SLC5A11: variants seen among roughly 807,000 people sequenced by gnomAD.
SLC5A11 encodes the protein sodium/myo-inositol cotransporter 2.
SLC5A11 carries 48 observed loss-of-function variants against 69.8 expected under a neutral mutation model. The observed-to-expected ratio is 0.69, with a 90% CI of 0.55 to 0.87. The LOEUF is 0.87. Ranked by LOEUF, SLC5A11 falls within the 40% of genes least tolerant of loss-of-function variation. SLC5A11 has a pLI of 0.00. For missense variants in SLC5A11, 784 were observed against 866.1 expected, an observed-to-expected ratio of 0.91 and a Z score of 1.19; for synonymous variants, 319 against 342.4, an observed-to-expected ratio of 0.93 and a Z score of 0.75.
chr16:24,896,403 G>A (rs2049169495), intron 9 of SLC5A11, among the ~76,000 whole-genome samples: 1 of 151,804 alleles, frequency 6.6e-6, no homozygotes. Context: ...ACTGAGGCAG[G>A]AGGATCATTT....
In SLC5A11 at chr16:24,897,045, C is replaced by T. The variant is rs147337263; in HGVS notation, c.871-929C>T. 3.5e-3 allele frequency among the ~76,000 whole-genome samples: 525 copies of T among 149,716 alleles called. 2 individuals are homozygous for T. Among genetic ancestry groups the T allele is most frequent in the Non-Finnish European group, 6.0e-3 (405 of 67,684 alleles). On this transcript the variant is annotated intron_variant, in intron 9 of 15. Coordinates refer to ENST00000347898, the Ensembl canonical transcript of SLC5A11. Reference sequence around the variant, plus strand: ...TTGGCTCACTGCACCCTCCACCTCCCGGGTTCAAGTGATTCTCCTGTCTCA... The same window carrying T: ...TTGGCTCACTGCACCCTCCACCTCCTGGGTTCAAGTGATTCTCCTGTCTCA...
intron 2 of SLC5A11, among the ~76,000 whole-genome samples, chr16:24,859,459 A>C (rs567866208): frequency 3.9e-5 from 6 of 152,282 alleles, no homozygotes; most frequent in African/African-American, 1.2e-4. Flanking sequence ...GAAAACTTTA[A>C]AGGCAATACA....
intron 10 of SLC5A11, among the ~76,000 whole-genome samples, chr16:24,900,307 AG>A (rs1408962336): frequency 3.3e-5 from 5 of 152,220 alleles, no homozygotes; most frequent in African/African-American, 1.2e-4. Flanking sequence ...GTTACACAGA[AG>A]CTAAGAAAGG....
intron 1 of SLC5A11, among the ~76,000 whole-genome samples, chr16:24,856,653 C>A (rs2059548326): frequency 6.7e-6 from 1 of 148,216 alleles, no homozygotes; most frequent in Non-Finnish European, 1.5e-5. Context: ...CGCCTGTAGT[C>A]CCAGCTACTC....
Position 24,889,791 on chromosome 16 carries a change from G to A in SLC5A11, c.665-1078G>A, listed in dbSNP as rs539788103. 7.8e-4 allele frequency among the ~76,000 whole-genome samples: 118 copies of A among 151,664 alleles called. 3 individuals are homozygous for A. The South Asian group carries it at 0.024, about 31-fold the overall frequency. On this transcript the variant is annotated intron_variant, in intron 8 of 15. Transcript: ENST00000347898. The stretch of plus-strand genomic sequence containing the variant: ...TCGAACTCCTGACCTCAGGCGATTC[G>A]CCCACCTCGGCCTCCCAAAGTGCTA...
exon 11 of SLC5A11, chr16:24,906,712 A>G: frequency 1.2e-6 from 2 of 1,613,700 alleles, no homozygotes; most frequent in Non-Finnish European, 1.7e-6. Flanking sequence ...GCAACCCCTC[A>G]GGCTGTTCGG....
At chr16:24,861,233 C>T (rs1233952724) in intron 2 of SLC5A11, among the ~76,000 whole-genome samples, 4 of 151,954 alleles carry the variant, frequency 2.6e-5, no homozygotes, top group African/African-American at 7.3e-5. Flanking sequence ...CCTGTAATCC[C>T]AGCACTTTGG....
chr16:24,895,161 C>T lies in SLC5A11; in HGVS notation c.871-2813C>T, dbSNP rs574557369. On this transcript the variant is annotated intron_variant, in intron 9 of 15. Coordinates refer to ENST00000347898, the Ensembl canonical transcript of SLC5A11. ...AAGAAAGAAAAAAAAAAGAACCATC[C>T]GACTACTCTCCCTTTTAGGATCTGA... Among the ~76,000 whole-genome samples the T allele has an allele frequency of 3.3e-5, 5 of 151,778 alleles. No individual in the cohort carries two copies. In the South Asian group the frequency reaches 8.4e-4, roughly 25 times the overall value.
At chr16:24,871,912 T>G (rs2547038) in intron 4 of SLC5A11, among the ~76,000 whole-genome samples, 48 of 152,018 alleles carry the variant, frequency 3.2e-4, no homozygotes, top group African/African-American at 1.1e-3. Context: ...GATGACATGA[T>G]GTTTAGGAGA....
chr16:24,906,804 C>T, intron 11 of SLC5A11, 40 bp downstream of exon 12: 1 of 1,548,178 alleles, frequency 6.5e-7, no homozygotes, highest in Non-Finnish European at 8.8e-7. Context: ...CCCTGGAGCA[C>T]CCAGAAAGGA....
intron 10 of SLC5A11, among the ~76,000 whole-genome samples, chr16:24,906,296 G>C (rs571815898): frequency 6.7e-6 from 1 of 150,258 alleles, no homozygotes. Context: ...AGCTGAGATC[G>C]TGCCACTGCC....
chr16:24,886,249 G>A (rs2048389940), intron 8 of SLC5A11, among the ~76,000 whole-genome samples: 1 of 151,984 alleles, frequency 6.6e-6, no homozygotes, highest in Non-Finnish European at 1.5e-5. Context: ...TCACCAGGAT[G>A]GTCTCCATCT....
chr16:24,859,586 A>C (rs2059675662), intron 2 of SLC5A11, among the ~76,000 whole-genome samples: 1 of 152,032 alleles, frequency 6.6e-6, no homozygotes, highest in Non-Finnish European at 1.5e-5. Context: ...CGTGTGGTTC[A>C]AGTGTCTTTA....
chr16:24,907,674 T>G (rs1361196810), intron 12 of SLC5A11, among the ~76,000 whole-genome samples: 1 of 150,690 alleles, frequency 6.6e-6, no homozygotes, highest in Non-Finnish European at 1.5e-5. Context: ...CGCACTGCAC[T>G]CCCGCCTGGG....
At chr16:24,868,937 G>A (rs950073809) in intron 3 of SLC5A11, among the ~76,000 whole-genome samples, 8 of 149,062 alleles carry the variant, frequency 5.4e-5, no homozygotes, top group African/African-American at 1.7e-4. Context: ...GTGCAATCTC[G>A]GCTCGTTGCA....
intron 7 of SLC5A11, among the ~76,000 whole-genome samples, chr16:24,880,618 G>A (rs1051448203): frequency 3.3e-5 from 5 of 152,160 alleles, no homozygotes; most frequent in Non-Finnish European, 7.4e-5. Flanking sequence ...ACAGGCATGA[G>A]CCACCGTGCC....
rs2046660110 is a variant in SLC5A11, at chr16:24,862,790, C to A, written c.207+118C>A. ...TCTCATGTCGTTTGGAAGTCATTGT[C>A]TAAACTAGAGAAGGCTTAGCTCCAG... is the stretch of plus-strand genomic sequence containing the variant. On this transcript the variant is annotated intron_variant, in intron 3 of 15. Transcript: ENST00000347898. The A allele has an allele frequency of 7.6e-6, 6 of 787,380 alleles. No homozygotes were observed. In the South Asian group the frequency reaches 1.4e-4, roughly 19 times the overall value. The allele number at this position is 787,380 out of a possible 1,614,324, so 48.8% of individuals were successfully genotyped here.
intron 1 of SLC5A11, among the ~76,000 whole-genome samples, chr16:24,857,372 A>G (rs942068860): frequency 1.3e-5 from 2 of 152,230 alleles, no homozygotes; most frequent in Admixed American, 6.5e-5. Context: ...TGGAAATTTT[A>G]TTAGTTTCTG....
exon 2 of SLC5A11, chr16:24,858,653 G>T: frequency 6.2e-7 from 1 of 1,609,606 alleles, no homozygotes; most frequent in Non-Finnish European, 8.5e-7. Flanking sequence ...CATGGAGAGC[G>T]GCACCAGCAG....
Sources: allele counts gnomAD v4.1 joint callset (sites outside exome capture counted in the v4.1 genomes callset), GRCh38; gene constraint gnomAD v4.1.1; transcripts MANE v1.5; gene names NCBI Gene and HGNC (gene_info 2026-07-23, HGNC 2026-07-21).